Variants in HIVEP3 observed in about 807,000 individuals in gnomAD.
HIVEP3 encodes the protein transcription factor HIVEP3.
HIVEP3 carries 49 observed loss-of-function variants against 152.8 expected under a neutral mutation model. That is an observed-to-expected ratio of 0.32 (90% CI 0.26 to 0.41). HIVEP3 has a LOEUF of 0.41. HIVEP3 is among the 10% of genes least tolerant of loss of function. HIVEP3 has a pLI of 1.00. For synonymous variants in HIVEP3, 1,269 were observed against 1,289.0 expected (o/e 0.98, Z 0.33); for missense variants, 2,790 against 3,103.3 (o/e 0.90, Z 2.40).
chr1:41,844,560 A>C (rs661605), intron 1 of HIVEP3, among the ~76,000 whole-genome samples: 7,041 of 152,240 alleles, frequency 0.046, 533 homozygotes, highest in African/African-American at 0.16. Flanking sequence ...ACAGCCCTAG[A>C]GCCATTTAAG....
chr1:41,606,693 T>C (rs1644827103), intron 3 of HIVEP3, among the ~76,000 whole-genome samples: 2 of 151,920 alleles, frequency 1.3e-5, no homozygotes, highest in African/African-American at 4.9e-5. Flanking sequence ...TATAGGTGAC[T>C]GAGTGACAAA....
chr1:41,929,726 T>TATATATATATATATA (rs1553135852), intron 1 of HIVEP3, among the ~76,000 whole-genome samples: 3,898 of 112,276 alleles, frequency 0.035, 349 homozygotes, highest in African/African-American at 0.061. Context: ...ATATGTGTTT[T>TATATATATATATATA]TATATATATA....
At chr1:41,897,709 A>G (rs905560244) in intron 1 of HIVEP3, among the ~76,000 whole-genome samples, 23 of 152,158 alleles carry the variant, frequency 1.5e-4, no homozygotes, top group Non-Finnish European at 4.4e-5. Flanking sequence ...TTCGTGCTAC[A>G]GTTGGACAGA....
intron 1 of HIVEP3, among the ~76,000 whole-genome samples, chr1:41,733,582 A>G (rs1459408056): frequency 6.6e-6 from 1 of 152,202 alleles, no homozygotes; most frequent in Non-Finnish European, 1.5e-5. Context: ...CCCATCTCCT[A>G]TTCTGTCGCT....
At chr1:41,740,965 T>C (rs1231558052) in intron 1 of HIVEP3, among the ~76,000 whole-genome samples, 1 of 152,158 alleles carries the variant, frequency 6.6e-6, no homozygotes, top group Admixed American at 6.5e-5. Flanking sequence ...GGTGCTTTTC[T>C]GTCCTCTCAT....
chr1:41,782,581 A>G (rs1302940098), intron 1 of HIVEP3, among the ~76,000 whole-genome samples: 5 of 151,956 alleles, frequency 3.3e-5, no homozygotes, highest in South Asian at 4.2e-4. Context: ...AAAATACAAA[A>G]ATTAGCTGGG....
intron 5 of HIVEP3, among the ~76,000 whole-genome samples, chr1:41,558,933 C>G (rs143947059): frequency 6.6e-6 from 1 of 152,218 alleles, no homozygotes; most frequent in African/African-American, 2.4e-5. Context: ...GCCTGCCTGC[C>G]CAGTAAGCCT....
intron 1 of HIVEP3, among the ~76,000 whole-genome samples, chr1:41,822,266 G>A (rs1189857642): frequency 6.6e-6 from 1 of 152,136 alleles, no homozygotes; most frequent in East Asian, 1.9e-4. Flanking sequence ...TTGAAGTTGG[G>A]TTCTGAAAGA....
At chr1:41,547,999 C>A (rs1055102912) in intron 5 of HIVEP3, among the ~76,000 whole-genome samples, 1 of 152,146 alleles carries the variant, frequency 6.6e-6, no homozygotes, top group Non-Finnish European at 1.5e-5. Flanking sequence ...TTGACCCTGC[C>A]AGTTCCTCCA....
chr1:41,864,332 C>G (rs1036907964), intron 1 of HIVEP3, among the ~76,000 whole-genome samples: 2 of 152,178 alleles, frequency 1.3e-5, no homozygotes, highest in African/African-American at 4.8e-5. Flanking sequence ...ACAATCATCT[C>G]CCCATCCTAT....
chr1:41,963,824 T>A (rs897093688), intron 1 of HIVEP3, among the ~76,000 whole-genome samples: 1 of 152,124 alleles, frequency 6.6e-6, no homozygotes, highest in African/African-American at 2.4e-5. Flanking sequence ...TGATCCAAAC[T>A]TTTTTTCTGC....
intron 1 of HIVEP3, among the ~76,000 whole-genome samples, chr1:41,903,366 C>T (rs1015372163): frequency 2.6e-5 from 4 of 152,216 alleles, no homozygotes; most frequent in Admixed American, 2.6e-4. Context: ...GTTTCCCCAT[C>T]TGAAAAATTG....
intron 1 of HIVEP3, among the ~76,000 whole-genome samples, chr1:41,794,321 A>T (rs1180614070): frequency 6.6e-6 from 1 of 152,216 alleles, no homozygotes; most frequent in Non-Finnish European, 1.5e-5. Context: ...TGATTCAATT[A>T]TCTCCACCTG....
At chr1:41,649,177 G>T (rs556419220) in intron 2 of HIVEP3, among the ~76,000 whole-genome samples, 81 of 152,334 alleles carry the variant, frequency 5.3e-4, no homozygotes, top group African/African-American at 1.8e-3. Flanking sequence ...TTTGTGGCCG[G>T]AGCCTCCCAC....
At chr1:41,735,564 G>A (rs1024515590) in intron 1 of HIVEP3, among the ~76,000 whole-genome samples, 1 of 152,150 alleles carries the variant, frequency 6.6e-6, no homozygotes, top group Non-Finnish European at 1.5e-5. Flanking sequence ...TCCAGGCTCT[G>A]CTCACTCCCT....
chr1:41,561,494 C>A (rs1032241149), intron 5 of HIVEP3, among the ~76,000 whole-genome samples: 1 of 151,518 alleles, frequency 6.6e-6, no homozygotes. Flanking sequence ...TCAGACACTC[C>A]ATCTGTCCAA....
intron 1 of HIVEP3, among the ~76,000 whole-genome samples, chr1:41,753,567 C>T (rs1213909104): frequency 6.6e-6 from 1 of 152,016 alleles, no homozygotes; most frequent in African/African-American, 2.4e-5. Context: ...ACTTGGAAGG[C>T]TGAGGCAGGA....
At chr1:41,803,209 C>T (rs1650405176) in intron 1 of HIVEP3, among the ~76,000 whole-genome samples, 1 of 152,254 alleles carries the variant, frequency 6.6e-6, no homozygotes, top group Non-Finnish European at 1.5e-5. Flanking sequence ...AAATATGAGG[C>T]TCTGACAGTG....
At chr1:41,878,462 A>C (rs1274732415) in intron 1 of HIVEP3, among the ~76,000 whole-genome samples, 2 of 152,206 alleles carry the variant, frequency 1.3e-5, no homozygotes, top group African/African-American at 4.8e-5. Context: ...TAAACATTTC[A>C]TTAGCATAAA....
Sources: gnomAD v4.1 joint callset for allele counts (sites outside exome capture counted in the v4.1 genomes callset) on GRCh38, gnomAD v4.1.1 for gene constraint, MANE v1.5 for transcripts, NCBI Gene and HGNC (gene_info 2026-07-23, HGNC 2026-07-21) for gene names.